SRD5A3: variants seen among roughly 807,000 people sequenced by gnomAD.
SRD5A3 encodes the protein polyprenal reductase.
Under a neutral mutation model 34.3 loss-of-function variants are expected in SRD5A3, and 24 were observed. The observed-to-expected ratio is 0.70, with a 90% CI of 0.51 to 0.99. The LOEUF (loss-of-function observed/expected upper bound fraction) is 0.99, where lower values mean the gene tolerates loss of function less well. SRD5A3 is among the 50% of genes least tolerant of loss of function. The pLI is 0.00. For missense variants in SRD5A3, 350 were observed against 388.2 expected (o/e 0.90, Z 0.83); for synonymous variants, 161 against 167.3 (o/e 0.96, Z 0.29).
At chr4:55,366,840 G>A (rs1405364136) in intron 3 of SRD5A3, 1 of 152,382 alleles carries the variant, frequency 6.6e-6, no homozygotes, top group Non-Finnish European at 1.5e-5. Context: ...TCTGAAGCCA[G>A]TGGTTTGCTC....
chr4:55,362,267 A>G, intron 2 of SRD5A3, among the ~76,000 whole-genome samples: 1 of 151,530 alleles, frequency 6.6e-6, no homozygotes. Flanking sequence ...AGCTGGGACT[A>G]CAGGCATGCG....
In SRD5A3 at chr4:55,370,431, TCACACACACACACACA is replaced by T. The variant is rs3034886; in HGVS notation, c.*367_*382del. ...AAAAACCGAAAATATACAAACAGCT[TCACACACACACACACA>T]CACACACACACACACACACACACAC... is the stretch of plus-strand genomic sequence containing the variant. On this transcript the variant is annotated 3_prime_UTR_variant, in exon 5 of 5. Coordinates refer to ENST00000264228, the MANE Select transcript of SRD5A3 (RefSeq NM_024592.5). 1.7e-3 allele frequency: 389 copies of T among 225,908 alleles called. No individual in the cohort carries two copies. Among genetic ancestry groups the T allele is most frequent in the African/African-American group, 7.9e-3 (319 of 40,580 alleles). 14.0% of individuals were successfully genotyped at this position (225,908 alleles called of 1,614,324 possible). A position where few individuals can be genotyped will look rare whatever the true frequency, so the allele number is the denominator to read the frequency against.
chr4:55,357,931 G>T (rs1344708486), intron 1 of SRD5A3, among the ~76,000 whole-genome samples: 2 of 152,178 alleles, frequency 1.3e-5, no homozygotes, highest in African/African-American at 4.8e-5. Context: ...GGAATGATCA[G>T]GTTGGATCAG....
intron 4 of SRD5A3, among the ~76,000 whole-genome samples, chr4:55,368,401 TTTATTTA>T (rs1719987871): frequency 1.6e-5 from 1 of 63,978 alleles, no homozygotes; most frequent in Non-Finnish European, 3.0e-5. Flanking sequence ...AATAGTTTTA[TTTATTTA>T]TTTATTTATT....
At chr4:55,364,292 C>T (rs1178639734) in intron 3 of SRD5A3, 21 bp downstream of exon 3, 3 of 1,613,398 alleles carry the variant, frequency 1.9e-6, no homozygotes, top group African/African-American at 2.7e-5. Context: ...CCAGCCCTGC[C>T]AGGAGCTCCC....
Position 55,354,312 on chromosome 4 carries a change from G to T in SRD5A3, c.222-5034G>T, listed in dbSNP as rs374848425. On this transcript the variant is annotated intron_variant, in intron 1 of 4. Coordinates refer to ENST00000264228, the MANE Select transcript of SRD5A3 (RefSeq NM_024592.5). Reference sequence around the variant, plus strand: ...GGGGTTTTACCATGTTGGCCAGGCTGGTCTTGAACTCCTGACCTCAGGTGA... The same window carrying T: ...GGGGTTTTACCATGTTGGCCAGGCTTGTCTTGAACTCCTGACCTCAGGTGA... Among the ~76,000 whole-genome samples the T allele has an allele frequency of 1.2e-4, 19 of 152,278 alleles. No homozygotes were observed. In the East Asian group the frequency reaches 1.7e-3, roughly 14 times the overall value.
At chr4:55,346,590 C>A in intron 1 of SRD5A3, 33 bp downstream of exon 1, 1 of 1,542,870 alleles carries the variant, frequency 6.5e-7, no homozygotes, top group South Asian at 1.2e-5. Flanking sequence ...CCGCGGTGGT[C>A]AAGGCGCTGA....
At position 55,346,252 on chromosome 4, in the gene SRD5A3, C is replaced by A. The variant is rs1215499759; in HGVS notation, c.-85C>A. The stretch of plus-strand genomic sequence containing the variant: ...CACCGACGTCCCGCTAGGCTGAGAC[C>A]GGTGCGCCGCGCGCTAGTGGCCGCT... On this transcript the variant is annotated 5_prime_UTR_variant, in exon 1 of 5. Coordinates refer to ENST00000264228, the MANE Select transcript of SRD5A3 (RefSeq NM_024592.5). 2 of 1,162,914 alleles carry A rather than the reference C, an allele frequency of 1.7e-6. No individual in the cohort carries two copies. The highest frequency in any genetic ancestry group is 3.2e-5 in the East Asian group (1 of 31,168). The allele number at this position is 1,162,914 out of a possible 1,614,324, so 72.0% of individuals were successfully genotyped here. A position where few individuals can be genotyped will look rare whatever the true frequency, so the allele number is the denominator to read the frequency against.
At chr4:55,362,282 C>T (rs371945404) in intron 2 of SRD5A3, among the ~76,000 whole-genome samples, 114 of 151,956 alleles carry the variant, frequency 7.5e-4, no homozygotes, top group African/African-American at 2.7e-3. Flanking sequence ...CATGCGCCAC[C>T]ATGCCCGGCT....
chr4:55,350,139 G>A (rs972518887), intron 1 of SRD5A3, among the ~76,000 whole-genome samples: 1 of 152,256 alleles, frequency 6.6e-6, no homozygotes, highest in South Asian at 2.1e-4. Flanking sequence ...GGAGGCTGAG[G>A]CGGGTGGATC....
At chr4:55,346,650 C>T (rs1719009736) in intron 1 of SRD5A3, 93 bp downstream of exon 1, 5 of 1,237,382 alleles carry the variant, frequency 4.0e-6, no homozygotes, top group Non-Finnish European at 5.3e-6. Flanking sequence ...GCAGCAGAGG[C>T]GGGACCCGGC....
At chr4:55,348,447 T>TA (rs2109458949) in intron 1 of SRD5A3, among the ~76,000 whole-genome samples, 1 of 152,334 alleles carries the variant, frequency 6.6e-6, no homozygotes, top group South Asian at 2.1e-4. Flanking sequence ...GGCAGATAAT[T>TA]AGAGTTGGGT....
At chr4:55,353,882 A>G (rs1314846921) in intron 1 of SRD5A3, among the ~76,000 whole-genome samples, 1 of 152,194 alleles carries the variant, frequency 6.6e-6, no homozygotes, top group Non-Finnish European at 1.5e-5. Flanking sequence ...ACTCACTGCG[A>G]GAGTCCACAG....
chr4:55,369,616 A>G, intron 4 of SRD5A3: 1 of 593,128 alleles, frequency 1.7e-6, no homozygotes, highest in Admixed American at 3.0e-5. Flanking sequence ...CTGTGGTACT[A>G]GCCACTGGGC....
intron 2 of SRD5A3, among the ~76,000 whole-genome samples, chr4:55,361,482 C>CA (rs59113946): frequency 0.023 from 2,324 of 101,896 alleles, 75 homozygotes; most frequent in African/African-American, 0.076. Flanking sequence ...GACTCCGTCT[C>CA]AAAAAAAAAA....
chr4:55,354,768 C>G (rs1023250354), intron 1 of SRD5A3, among the ~76,000 whole-genome samples: 1 of 152,242 alleles, frequency 6.6e-6, no homozygotes, highest in African/African-American at 2.4e-5. Context: ...CATTAGTTTT[C>G]TCAGTAGCAG....
chr4:55,352,697 G>A (rs1409258713), intron 1 of SRD5A3, among the ~76,000 whole-genome samples: 1 of 152,226 alleles, frequency 6.6e-6, no homozygotes, highest in Non-Finnish European at 1.5e-5. Flanking sequence ...TGGAAGAGAT[G>A]CTTACCTTCT....
chr4:55,348,441 G>A (rs567419267), intron 1 of SRD5A3, among the ~76,000 whole-genome samples: 1 of 152,294 alleles, frequency 6.6e-6, no homozygotes, highest in South Asian at 2.1e-4. Flanking sequence ...GAAATAGGCA[G>A]ATAATTAGAG....
chr4:55,353,723 C>T (rs1008944301), intron 1 of SRD5A3, among the ~76,000 whole-genome samples: 2 of 152,164 alleles, frequency 1.3e-5, no homozygotes, highest in African/African-American at 2.4e-5. Flanking sequence ...GAGGCGCCAC[C>T]TTTAAGAGCT....
Sources: gnomAD v4.1 joint callset for allele counts (sites outside exome capture counted in the v4.1 genomes callset) on GRCh38, gnomAD v4.1.1 for gene constraint, MANE v1.5 for transcripts, NCBI Gene and HGNC (gene_info 2026-07-23, HGNC 2026-07-21) for gene names.